The following DCHS2 variants were observed in gnomAD, a reference collection of about 807,000 sequenced individuals.
DCHS2 encodes dachsous cadherin-related 2.
A neutral mutation model predicts 182.4 loss-of-function variants in DCHS2; 142 were observed. The ratio of observed to expected loss-of-function variants is 0.78; its 90% confidence interval spans 0.68 to 0.89. The LOEUF (loss-of-function observed/expected upper bound fraction) is 0.89, where lower values mean the gene tolerates loss of function less well. Among genes scored for constraint, DCHS2 ranks in the 40% least tolerant of loss-of-function variants. DCHS2 has a pLI of 0.00. For synonymous variants in DCHS2, 1,740 were observed against 1,663.3 expected (o/e 1.05, Z -1.12); for missense variants, 4,319 against 4,198.6 (o/e 1.03, Z -0.79).
At position 154,490,343 on chromosome 4, in the gene DCHS2, C is replaced by A; in HGVS notation, c.1013G>T (p.Arg338Leu). 1 of 1,540,780 alleles carries A rather than the reference C, an allele frequency of 6.5e-7. No individual in the cohort carries two copies. Among genetic ancestry groups the A allele is most frequent in the Non-Finnish European group, 8.7e-7 (1 of 1,145,738 alleles). The change falls in exon 1 of 20, where the codon CGG (arginine) becomes CTG (leucine). Residue 338 changes from arginine (R) to leucine (L), a missense_variant. Transcript: ENST00000357232. ...NGFVRYSVRA[R>L]QVPGAGSGGG... Reference sequence around the variant, plus strand: ...GCCGCTACCCGCCCCAGGCACTTGCCGGGCGCGGACGCTGTAGCGCACGAA... The same window carrying A: ...GCCGCTACCCGCCCCAGGCACTTGCAGGGCGCGGACGCTGTAGCGCACGAA...
At position 154,332,817 on chromosome 4, in the gene DCHS2, CAG is replaced by C. The variant is rs753972736; in HGVS notation, c.3389_3390del (p.Ser1130CysfsTer19). 2 of 1,614,264 alleles carry C rather than the reference CAG, an allele frequency of 1.2e-6. No individual in the cohort carries two copies. The highest frequency in any genetic ancestry group is 1.1e-5 in the South Asian group (1 of 91,090). On this transcript the variant is annotated frameshift_variant, in exon 5 of 20. Coordinates refer to ENST00000357232, the MANE Select transcript of DCHS2 (RefSeq NM_001358235.2). LOFTEE classifies it high-confidence loss of function. ...GTGTAAGGGCGGATTCCAAACATAG[CAG>C]AGTCTACGCTGGGTTCCAGCGAGTA... is the stretch of plus-strand genomic sequence containing the variant. ...LRYSLEPSVDSAMFGIRPYTG... is the reference protein window; with the variant it reads ...LRYSLEPSVDXAMFGIRPYTG...
chr4:154,478,554 G>A lies in DCHS2; in HGVS notation c.2052+10750C>T, dbSNP rs1265805781. 3.3e-5 allele frequency among the ~76,000 whole-genome samples: 5 copies of A among 152,242 alleles called. No homozygotes were observed. The East Asian group carries it at 9.7e-4, about 29-fold the overall frequency. On this transcript the variant is annotated intron_variant, in intron 1 of 19. Coordinates refer to ENST00000357232, the MANE Select transcript of DCHS2 (RefSeq NM_001358235.2). ...CAAGGCACCATGCAGGGTGGTTAGA[G>A]TCACTAGAAACACACAGTCTTTCTG... is the stretch of plus-strand genomic sequence containing the variant.
chr4:154,333,053 G>A lies in DCHS2; in HGVS notation c.3155C>T (p.Thr1052Ile), dbSNP rs529630885. ...CACGCCTTGGTCCTCGGCCCTGAGAGTCAGCGTGAGCTCCCGCTGCTCGCC... is the reference window on the plus strand; with the variant it reads ...CACGCCTTGGTCCTCGGCCCTGAGAATCAGCGTGAGCTCCCGCTGCTCGCC... The part of the protein sequence containing the change: ...GAGEQRELTL[T>I]LRAEDQGVHP... Residue 1052 changes from threonine to isoleucine, a missense_variant, in exon 5 of 20, where the codon ACT (threonine) becomes ATT (isoleucine). Coordinates refer to ENST00000357232, the MANE Select transcript of DCHS2 (RefSeq NM_001358235.2). The A allele has an allele frequency of 2.5e-6, 4 of 1,614,106 alleles. No individual in the cohort carries two copies. The highest frequency in any genetic ancestry group is 1.7e-5 in the Admixed American group (1 of 60,034).
intron 3 of DCHS2, among the ~76,000 whole-genome samples, chr4:154,355,230 C>G (rs1729805676): frequency 6.6e-6 from 1 of 151,980 alleles, no homozygotes; most frequent in South Asian, 2.1e-4. Flanking sequence ...AGAAGCAGGC[C>G]AAAACCCACC....
chr4:154,323,999 T>A (rs891813295), intron 7 of DCHS2, among the ~76,000 whole-genome samples: 1 of 152,206 alleles, frequency 6.6e-6, no homozygotes, highest in Non-Finnish European at 1.5e-5. Flanking sequence ...TTTCAATAAA[T>A]AGAAACTTTC....
intron 1 of DCHS2, among the ~76,000 whole-genome samples, chr4:154,413,788 C>T (rs1732721696): frequency 6.6e-6 from 1 of 152,316 alleles, no homozygotes; most frequent in Non-Finnish European, 1.5e-5. Context: ...CTGTGCCCTC[C>T]ACTTTAGGGT....
chr4:154,324,883 C>G (rs1024278621), intron 7 of DCHS2, among the ~76,000 whole-genome samples: 1 of 152,234 alleles, frequency 6.6e-6, no homozygotes, highest in African/African-American at 2.4e-5. Context: ...ATGATACATA[C>G]CTTTATTCCC....
In DCHS2 at chr4:154,298,825, T is replaced by C. The variant is rs1735081974; in HGVS notation, c.5606-117A>G. On this transcript the variant is annotated intron_variant, in intron 12 of 19. Coordinates refer to ENST00000357232, the MANE Select transcript of DCHS2 (RefSeq NM_001358235.2). ...AAAAATATATTTATTCCCGATTATA[T>C]TGTATCCTAGCACTTTTGTAAATAT... is the stretch of plus-strand genomic sequence containing the variant. 2.9e-6 allele frequency: 4 copies of C among 1,376,064 alleles called. No homozygotes were observed. In the South Asian group the frequency reaches 6.9e-5, roughly 24 times the overall value. The allele number at this position is 1,376,064 out of a possible 1,614,324, so 85.2% of individuals were successfully genotyped here. A position where few individuals can be genotyped will look rare whatever the true frequency, so the allele number is the denominator to read the frequency against.
chr4:154,245,501 ACT>A (rs1489016440), intron 16 of DCHS2, among the ~76,000 whole-genome samples: 4 of 152,002 alleles, frequency 2.6e-5, no homozygotes, highest in Admixed American at 6.6e-5. Context: ...ATTTTTCAAA[ACT>A]CTCAATTATA....
chr4:154,331,169 C>A (rs899586090), intron 5 of DCHS2, among the ~76,000 whole-genome samples: 5 of 152,210 alleles, frequency 3.3e-5, no homozygotes, highest in Non-Finnish European at 5.9e-5. Context: ...ACGTAGTGTT[C>A]CAAGCCCTTT....
chr4:154,415,776 A>G (rs1410245844), intron 1 of DCHS2, among the ~76,000 whole-genome samples: 1 of 152,206 alleles, frequency 6.6e-6, no homozygotes, highest in Non-Finnish European at 1.5e-5. Flanking sequence ...GCCAGGAATC[A>G]GCTCCACCCA....
At chr4:154,467,302 T>C (rs553860784) in intron 1 of DCHS2, among the ~76,000 whole-genome samples, 7 of 152,302 alleles carry the variant, frequency 4.6e-5, no homozygotes, top group African/African-American at 1.7e-4. Flanking sequence ...ACTACTAAGT[T>C]GCATATTTAA....
intron 3 of DCHS2, among the ~76,000 whole-genome samples, chr4:154,348,872 C>A (rs1729477047): frequency 6.6e-6 from 1 of 151,972 alleles, no homozygotes; most frequent in Admixed American, 6.5e-5. Context: ...TGAACACCAG[C>A]AGGAGGCGTA....
chr4:154,382,494 G>A (rs1031604614), intron 1 of DCHS2, among the ~76,000 whole-genome samples: 1 of 151,866 alleles, frequency 6.6e-6, no homozygotes, highest in Non-Finnish European at 1.5e-5. Context: ...ATTGACAAGT[G>A]GAATCGAATT....
At chr4:154,240,952 C>A in intron 17 of DCHS2, 129 bp from the exon 18 acceptor site, 1 of 1,391,538 alleles carries the variant, frequency 7.2e-7, no homozygotes, top group Non-Finnish European at 9.5e-7. Context: ...CTTGATTTCT[C>A]ATACAAAGCT....
intron 14 of DCHS2, among the ~76,000 whole-genome samples, chr4:154,262,544 G>A (rs1410307582): frequency 6.6e-6 from 1 of 151,844 alleles, no homozygotes; most frequent in Non-Finnish European, 1.5e-5. Context: ...AATAACTTGA[G>A]AAAAAAATGG....
intron 7 of DCHS2, among the ~76,000 whole-genome samples, chr4:154,323,958 A>G (rs909692714): frequency 1.3e-5 from 2 of 152,172 alleles, no homozygotes; most frequent in African/African-American, 4.8e-5. Context: ...ATTCTGGTTT[A>G]TCATCCCTTT....
At chr4:154,264,022 T>G (rs1733118005) in intron 14 of DCHS2, among the ~76,000 whole-genome samples, 1 of 152,188 alleles carries the variant, frequency 6.6e-6, no homozygotes, top group Non-Finnish European at 1.5e-5. Flanking sequence ...AGTTTAAGCC[T>G]GAATTTATGG....
In DCHS2 at chr4:154,369,749, G is replaced by T. The variant is rs1195586327; in HGVS notation, c.2245-3308C>A. ...TCTTATCATTTCTTTTTCCACTGATGATTCATGTGGCATTTTTATTTCATT... is the reference window on the plus strand; with the variant it reads ...TCTTATCATTTCTTTTTCCACTGATTATTCATGTGGCATTTTTATTTCATT... On this transcript the variant is annotated intron_variant, in intron 2 of 19. Coordinates refer to ENST00000357232, the MANE Select transcript of DCHS2 (RefSeq NM_001358235.2). Among the ~76,000 whole-genome samples, 3 of 152,130 alleles carry T rather than the reference G, an allele frequency of 2.0e-5. No homozygotes were observed. In the East Asian group the frequency reaches 5.8e-4, roughly 29 times the overall value.
Sources: gnomAD v4.1 joint callset for allele counts (sites outside exome capture counted in the v4.1 genomes callset) on GRCh38, gnomAD v4.1.1 for gene constraint, MANE v1.5 for transcripts, NCBI Gene and HGNC (gene_info 2026-07-23, HGNC 2026-07-21) for gene names.